The following MACROD2 variants were observed in gnomAD, a reference collection of about 807,000 sequenced individuals.
MACROD2 encodes mono-ADP ribosylhydrolase 2, also known as ADP-ribose glycohydrolase MACROD2.
In MACROD2, 36 loss-of-function variants were observed where a neutral mutation model predicts 70.4. The ratio of observed to expected loss-of-function variants is 0.51; its 90% CI spans 0.39 to 0.68. The LOEUF (loss-of-function observed/expected upper bound fraction) is 0.68. MACROD2 is among the 30% of genes least tolerant of loss of function. The pLI is 0.00. For synonymous variants in MACROD2, 172 were observed against 178.8 expected (o/e 0.96, Z 0.30); for missense variants, 496 against 538.4 (o/e 0.92, Z 0.78).
chr20:15,056,664 A>T (rs2075488292), intron 5 of MACROD2, among the ~76,000 whole-genome samples: 1 of 152,184 alleles, frequency 6.6e-6, no homozygotes, highest in Non-Finnish European at 1.5e-5. Context: ...CAATCAAGGG[A>T]TAATGTAAGG....
At chr20:15,678,424 A>T (rs1461065696) in intron 8 of MACROD2, among the ~76,000 whole-genome samples, 1 of 151,144 alleles carries the variant, frequency 6.6e-6, no homozygotes, top group Non-Finnish European at 1.5e-5. Context: ...CAGTGGCATG[A>T]TCTCGGCTCA....
intron 6 of MACROD2, among the ~76,000 whole-genome samples, chr20:15,426,927 T>C (rs1568799801): frequency 1.3e-5 from 2 of 152,160 alleles, no homozygotes; most frequent in African/African-American, 4.8e-5. Context: ...AAGTTTATTA[T>C]GGCAGAGAAC....
At chr20:15,948,422 AAAG>A (rs1230917212) in intron 12 of MACROD2, among the ~76,000 whole-genome samples, 1 of 150,240 alleles carries the variant, frequency 6.7e-6, no homozygotes, top group African/African-American at 2.4e-5. Flanking sequence ...AGGAAAAAGA[AAAG>A]AAAAGAAAAT....
chr20:16,018,437 C>A (rs2066959040), intron 15 of MACROD2, among the ~76,000 whole-genome samples: 2 of 151,914 alleles, frequency 1.3e-5, no homozygotes, highest in Non-Finnish European at 2.9e-5. Context: ...CAATGTTCCC[C>A]ATTCTCTCTC....
At chr20:16,042,622 G>A (rs1418499933) in intron 16 of MACROD2, among the ~76,000 whole-genome samples, 2 of 151,928 alleles carry the variant, frequency 1.3e-5, no homozygotes, top group African/African-American at 4.8e-5. Context: ...GTATCCCTTG[G>A]TTGGAAGAAG....
At chr20:16,035,192 A>AT (rs1568726234) in intron 15 of MACROD2, among the ~76,000 whole-genome samples, 6 of 92,854 alleles carry the variant, frequency 6.5e-5, no homozygotes, top group African/African-American at 2.3e-4. Context: ...ATTATATATA[A>AT]AATATAATAT....
At chr20:15,977,558 A>G (rs2066326268) in intron 13 of MACROD2, among the ~76,000 whole-genome samples, 1 of 152,238 alleles carries the variant, frequency 6.6e-6, no homozygotes, top group Admixed American at 6.5e-5. Context: ...CTTAATAACT[A>G]TTTACAGACC....
chr20:15,186,506 G>A (rs1157459590), intron 5 of MACROD2, among the ~76,000 whole-genome samples: 11 of 151,980 alleles, frequency 7.2e-5, no homozygotes, highest in Non-Finnish European at 1.5e-4. Flanking sequence ...TATTTCTTCC[G>A]GACTTAAGAC....
chr20:14,617,873 G>A (rs1051812747), intron 4 of MACROD2, among the ~76,000 whole-genome samples: 1 of 152,120 alleles, frequency 6.6e-6, no homozygotes, highest in African/African-American at 2.4e-5. Flanking sequence ...ATGAAAGAGG[G>A]GAGAGGAATG....
chr20:14,422,498 C>T (rs1169508747), intron 3 of MACROD2, among the ~76,000 whole-genome samples: 1 of 151,816 alleles, frequency 6.6e-6, no homozygotes, highest in Non-Finnish European at 1.5e-5. Context: ...CTATTACTGT[C>T]TTATTTTTGT....
intron 5 of MACROD2, among the ~76,000 whole-genome samples, chr20:14,925,756 T>C (rs1433842358): frequency 3.3e-5 from 5 of 152,226 alleles, no homozygotes; most frequent in East Asian, 3.9e-4. Context: ...GACCTTTTTA[T>C]GTTTATTGTA....
chr20:14,464,556 T>C (rs553946324), intron 3 of MACROD2, among the ~76,000 whole-genome samples: 3 of 152,104 alleles, frequency 2.0e-5, no homozygotes, highest in Admixed American at 6.6e-5. Context: ...CCGATCTTAG[T>C]TATTTCTTGC....
chr20:13,998,134 G>T (rs1337943674), intron 1 of MACROD2, among the ~76,000 whole-genome samples: 2 of 152,074 alleles, frequency 1.3e-5, no homozygotes, highest in African/African-American at 4.8e-5. Context: ...TAAAGGTGAA[G>T]CATTCTTTAA....
intron 6 of MACROD2, among the ~76,000 whole-genome samples, chr20:15,265,812 C>T (rs915196085): frequency 1.3e-5 from 2 of 152,198 alleles, no homozygotes; most frequent in Non-Finnish European, 2.9e-5. Flanking sequence ...AAGTTACCAG[C>T]TATCATTGTT....
At chr20:15,904,745 G>T (rs942545640) in intron 10 of MACROD2, among the ~76,000 whole-genome samples, 2 of 152,040 alleles carry the variant, frequency 1.3e-5, no homozygotes, top group African/African-American at 4.8e-5. Flanking sequence ...GCCGGGCGTG[G>T]TGGCTGGTGC....
chr20:15,196,818 T>C, intron 5 of MACROD2: 1 of 976,168 alleles, frequency 1.0e-6, no homozygotes, highest in Admixed American at 6.1e-5. Context: ...CCCTCCCTTC[T>C]GCCTTGAAGT....
intron 8 of MACROD2, among the ~76,000 whole-genome samples, chr20:15,569,798 T>C (rs2048353648): frequency 1.3e-5 from 2 of 152,214 alleles, no homozygotes. Context: ...GACAGGTTCA[T>C]TCTACTGCAA....
At chr20:15,582,257 C>T (rs2146649362) in intron 8 of MACROD2, among the ~76,000 whole-genome samples, 1 of 152,264 alleles carries the variant, frequency 6.6e-6, no homozygotes, top group African/African-American at 2.4e-5. Context: ...TCAAGAATGC[C>T]AGGTCTTAGC....
At chr20:15,317,923 G>A (rs988286418) in intron 6 of MACROD2, among the ~76,000 whole-genome samples, 4 of 152,044 alleles carry the variant, frequency 2.6e-5, no homozygotes, top group Admixed American at 1.3e-4. Context: ...TTGGCCAAAT[G>A]TCTGGGACCA....
Sources: allele counts gnomAD v4.1 joint callset (sites outside exome capture counted in the v4.1 genomes callset), GRCh38; gene constraint gnomAD v4.1.1; transcripts MANE v1.5; gene names NCBI Gene and HGNC (gene_info 2026-07-23, HGNC 2026-07-21).